The following FREM1 variants were observed in gnomAD, a reference collection of about 807,000 sequenced individuals.
The protein encoded by FREM1 is FRAS1 related extracellular matrix 1, also known as FRAS1-related extracellular matrix protein 1.
FREM1 carries 220 observed loss-of-function variants against 210.1 expected under a neutral mutation model. The observed-to-expected ratio is 1.05, with a 90% CI of 0.94 to 1.17. The LOEUF (loss-of-function observed/expected upper bound fraction) is 1.17, where lower values mean the gene tolerates loss of function less well. Ranked by LOEUF, FREM1 falls within the 50% of genes most tolerant of loss-of-function variation. The probability of loss-of-function intolerance (pLI) is 0.00; values close to 1 mark genes in which losing one functional copy is unlikely to be tolerated. For missense variants in FREM1, 3,454 were observed against 2,675.5 expected, an observed-to-expected ratio of 1.29 and a Z score of -6.42; for synonymous variants, 1,189 against 980.2, an observed-to-expected ratio of 1.21 and a Z score of -3.98.
chr9:14,778,677 G>GAGGGAGGGA (rs1849082557), intron 24 of FREM1, among the ~76,000 whole-genome samples: 1 of 26,636 alleles, frequency 3.8e-5, no homozygotes, highest in East Asian at 1.9e-3. Flanking sequence ...GGAGGGAGGG[G>GAGGGAGGGA]AGGGAGGGAA....
intron 25 of FREM1, among the ~76,000 whole-genome samples, chr9:14,774,762 G>C (rs998706331): frequency 1.6e-4 from 24 of 152,104 alleles, no homozygotes; most frequent in African/African-American, 5.6e-4. Flanking sequence ...TGCCCTCCAG[G>C]AATCCTTGTA....
intron 22 of FREM1, 46 bp downstream of exon 22, chr9:14,792,697 T>C: frequency 6.9e-7 from 1 of 1,458,226 alleles, no homozygotes; most frequent in Non-Finnish European, 9.3e-7. Context: ...AGAAGATTTA[T>C]ACCTGCTACG....
chr9:14,740,480 T>C (rs576186586), intron 35 of FREM1, among the ~76,000 whole-genome samples: 1 of 152,264 alleles, frequency 6.6e-6, no homozygotes, highest in Non-Finnish European at 1.5e-5. Context: ...TCGATAGGTT[T>C]TCAAACATAA....
At chr9:14,873,579 A>AG (rs894279188) in intron 1 of FREM1, among the ~76,000 whole-genome samples, 1 of 151,734 alleles carries the variant, frequency 6.6e-6, no homozygotes, top group Non-Finnish European at 1.5e-5. Flanking sequence ...TAGTCTTGCT[A>AG]GGGGTCTATC....
chr9:14,802,702 T>G (rs1046430153), intron 19 of FREM1, among the ~76,000 whole-genome samples: 1 of 152,240 alleles, frequency 6.6e-6, no homozygotes, highest in African/African-American at 2.4e-5. Context: ...TTTTGAAATA[T>G]AGCAAAATCT....
In FREM1 at chr9:14,824,062, T is replaced by C. The variant is rs374184751; in HGVS notation, c.2132A>G (p.Lys711Arg). 6.3e-7 allele frequency: 1 copy of C among 1,593,414 alleles called. No individual in the cohort carries two copies. Among genetic ancestry groups the C allele is most frequent in the Non-Finnish European group, 8.6e-7 (1 of 1,168,772 alleles). ...FMVDSIPKVV[K>R]NPTALELRSF... ...CCTCAGCTCCAGGGCCGTAGGATTC[T>C]TAACTACTTTTGGTATGCTGTCCAC... Residue 711 changes from lysine to arginine, a missense_variant, in exon 12 of 37, where the codon AAG (lysine) becomes AGG (arginine). Lys to Arg is a conservative substitution (Grantham distance 26, BLOSUM62 2). Coordinates refer to ENST00000380880, the MANE Select transcript of FREM1 (RefSeq NM_001379081.2).
intron 21 of FREM1, 34 bp downstream of exon 21, chr9:14,797,464 G>A (rs1852646724): frequency 7.0e-6 from 11 of 1,565,356 alleles, no homozygotes; most frequent in Non-Finnish European, 8.7e-6. Context: ...GAATTGTATA[G>A]AAATCTGAAA....
intron 23 of FREM1, among the ~76,000 whole-genome samples, chr9:14,788,200 G>C (rs1850710963): frequency 1.3e-5 from 2 of 152,280 alleles, no homozygotes; most frequent in African/African-American, 2.4e-5. Context: ...AGATGAATGA[G>C]ATATGATCCT....
At chr9:14,740,341 G>A (rs1841323445) in intron 35 of FREM1, 107 bp from the exon 36 acceptor site, 2 of 807,814 alleles carry the variant, frequency 2.5e-6, no homozygotes, top group Non-Finnish European at 2.0e-6. Flanking sequence ...CAAAAAAGTA[G>A]GTCTTTAAAA....
chr9:14,900,561 G>A (rs1253137922), intron 1 of FREM1, among the ~76,000 whole-genome samples: 1 of 152,128 alleles, frequency 6.6e-6, no homozygotes, highest in Admixed American at 6.5e-5. Context: ...GCAAGACCCA[G>A]TGTGGTGGTG....
At chr9:14,773,187 C>T (rs529058826) in intron 25 of FREM1, among the ~76,000 whole-genome samples, 39 of 152,236 alleles carry the variant, frequency 2.6e-4, no homozygotes, top group Non-Finnish European at 1.5e-4. Flanking sequence ...ACATTTTTCT[C>T]GCTCACCTGA....
At chr9:14,815,388 C>G (rs1224152804) in intron 15 of FREM1, among the ~76,000 whole-genome samples, 1 of 152,110 alleles carries the variant, frequency 6.6e-6, no homozygotes, top group African/African-American at 2.4e-5. Context: ...TTATTAGTTA[C>G]TAAAATATCT....
chr9:14,893,111 A>G (rs1003849489), intron 1 of FREM1, among the ~76,000 whole-genome samples: 6 of 152,134 alleles, frequency 3.9e-5, no homozygotes, highest in Non-Finnish European at 8.8e-5. Flanking sequence ...CCACTCAGAG[A>G]AAGGAAACCC....
At chr9:14,812,778 G>T (rs766533974) in intron 16 of FREM1, 34 bp downstream of exon 16, 9 of 1,569,030 alleles carry the variant, frequency 5.7e-6, no homozygotes, top group African/African-American at 1.3e-5. Context: ...CATGTTGCTT[G>T]CATTCCCTCA....
At chr9:14,776,338 C>T in intron 24 of FREM1, 135 bp from the exon 25 acceptor site, 1 of 1,021,152 alleles carries the variant, frequency 9.8e-7, no homozygotes, top group Non-Finnish European at 1.3e-6. Context: ...AAGGGCAGAT[C>T]TTGCAGAAAA....
intron 17 of FREM1, among the ~76,000 whole-genome samples, chr9:14,807,691 A>C (rs984814849): frequency 6.6e-6 from 1 of 151,946 alleles, no homozygotes; most frequent in Admixed American, 6.6e-5. Context: ...ACACACACAC[A>C]CACACACCCC....
At chr9:14,860,727 A>ATG (rs1461134170) in intron 3 of FREM1, among the ~76,000 whole-genome samples, 91 of 120,016 alleles carry the variant, frequency 7.6e-4, no homozygotes, top group African/African-American at 1.6e-3. Context: ...ACACATATAT[A>ATG]CACATATATA....
chr9:14,755,375 A>G (rs1844138293), intron 29 of FREM1, among the ~76,000 whole-genome samples: 1 of 152,172 alleles, frequency 6.6e-6, no homozygotes, highest in South Asian at 2.1e-4. Flanking sequence ...GTGGCAGATG[A>G]TGTCAATAGT....
At chr9:14,871,288 C>T (rs995947933) in intron 1 of FREM1, among the ~76,000 whole-genome samples, 10 of 152,300 alleles carry the variant, frequency 6.6e-5, no homozygotes, top group African/African-American at 2.4e-4. Context: ...AAAAGTTTTC[C>T]TATTTCTCCA....
Sources: allele counts gnomAD v4.1 joint callset (sites outside exome capture counted in the v4.1 genomes callset), GRCh38; gene constraint gnomAD v4.1.1; transcripts MANE v1.5; gene names NCBI Gene and HGNC (gene_info 2026-07-23, HGNC 2026-07-21).